Variants in KIF9 observed in about 807,000 individuals in gnomAD.
The protein encoded by KIF9 is kinesin-like protein KIF9.
KIF9 carries 68 observed loss-of-function variants against 94.8 expected under a neutral mutation model. That is an observed-to-expected ratio of 0.72 (90% CI 0.59 to 0.88). The LOEUF is 0.88. KIF9 is among the 40% of genes least tolerant of loss of function. The probability of loss-of-function intolerance (pLI) is 0.00; values close to 1 mark genes in which losing one functional copy is unlikely to be tolerated. For synonymous variants in KIF9, 343 were observed against 362.1 expected, an observed-to-expected ratio of 0.95 and a Z score of 0.60; for missense variants, 882 against 982.5, an observed-to-expected ratio of 0.90 and a Z score of 1.37.
intron 17 of KIF9, among the ~76,000 whole-genome samples, chr3:47,237,139 G>A (rs13100059): frequency 6.6e-6 from 1 of 152,212 alleles, no homozygotes; most frequent in East Asian, 1.9e-4. Context: ...TTGTTGCCCA[G>A]GCTAGAGTGC....
chr3:47,261,502 G>A (rs138610464), intron 9 of KIF9, among the ~76,000 whole-genome samples: 118 of 152,302 alleles, frequency 7.7e-4, no homozygotes, highest in African/African-American at 2.3e-3. Flanking sequence ...CAGGAGGCAG[G>A]CCCAGAGATT....
chr3:47,275,396 T>C lies in KIF9; in HGVS notation c.188A>G (p.Asp63Gly). The C allele has an allele frequency of 6.2e-7, 1 of 1,613,992 alleles. No homozygotes were observed. Among genetic ancestry groups the C allele is most frequent in the South Asian group, 1.1e-5 (1 of 91,064 alleles). ...CTCATAAACCAAGTCCTGGGAGGCATCGTGAAGAACTCCATCCAACTTAAA... is the reference window on the plus strand; with the variant it reads ...CTCATAAACCAAGTCCTGGGAGGCACCGTGAAGAACTCCATCCAACTTAAA... ...WSFKLDGVLH[D>G]ASQDLVYETV... Residue 63 changes from aspartate (D) to glycine (G), a missense_variant, in exon 3 of 21, where the codon GAT (aspartate) becomes GGT (glycine). Physicochemically the swap from Asp to Gly is moderately conservative, Grantham distance 94. Transcript: ENST00000684063.
intron 13 of KIF9, 156 bp from the exon 14 acceptor site, chr3:47,245,667 C>T: frequency 3.1e-6 from 2 of 636,524 alleles, no homozygotes; most frequent in South Asian, 1.8e-5. Context: ...GGACAAAGGA[C>T]TCACTTCCCC....
In KIF9 at chr3:47,241,750, CGT is replaced by C. The variant is rs1349832955; in HGVS notation, c.1710-737_1710-736del. 1.2e-3 allele frequency among the ~76,000 whole-genome samples: 170 copies of C among 136,654 alleles called. 2 individuals carry two copies. The highest frequency in any genetic ancestry group is 4.1e-3 in the Middle Eastern group (1 of 242). 89.7% of individuals were successfully genotyped at this position (136,654 alleles called of 152,430 possible). A position where few individuals can be genotyped will look rare whatever the true frequency, so the allele number is the denominator to read the frequency against. The stretch of plus-strand genomic sequence containing the variant: ...TTTTATATATGTGTGTGTATATATA[CGT>C]ATATATACATATATACGTATATATA... On this transcript the variant is annotated intron_variant, in intron 16 of 20. Transcript: ENST00000684063.
At chr3:47,278,847 C>A (rs980017140) in intron 1 of KIF9, among the ~76,000 whole-genome samples, 1 of 152,056 alleles carries the variant, frequency 6.6e-6, no homozygotes, top group Non-Finnish European at 1.5e-5. Flanking sequence ...TGGCAGACGC[C>A]TGTAATCCCA....
intron 1 of KIF9, 52 bp downstream of exon 1, chr3:47,282,443 G>A: frequency 1.0e-6 from 1 of 986,006 alleles, no homozygotes; most frequent in Non-Finnish European, 1.2e-6. Flanking sequence ...CAGTCCGGGC[G>A]CACACCCTTT....
chr3:47,246,583 T>G (rs1328729661), intron 12 of KIF9: 1 of 158,864 alleles, frequency 6.3e-6, no homozygotes, highest in African/African-American at 2.4e-5. Context: ...AATGTACTTC[T>G]CAGCTTTCTC....
chr3:47,236,216 T>A, intron 18 of KIF9, 67 bp from the exon 19 acceptor site: 1 of 1,245,532 alleles, frequency 8.0e-7, no homozygotes, highest in Non-Finnish European at 1.2e-6. Context: ...ATCTGTCTTA[T>A]ATCTGTTGCA....
At chr3:47,246,343 G>T in intron 12 of KIF9, 91 bp from the exon 13 acceptor site, 1 of 1,021,988 alleles carries the variant, frequency 9.8e-7, no homozygotes, top group Non-Finnish European at 1.4e-6. Flanking sequence ...AAGACCCCTT[G>T]GCTGACCCCT....
chr3:47,277,247 G>A, intron 2 of KIF9, 35 bp downstream of exon 2: 1 of 1,475,136 alleles, frequency 6.8e-7, no homozygotes, highest in Non-Finnish European at 9.5e-7. Context: ...GGACAGAGAG[G>A]CCCAGTCAGT....
chr3:47,234,836 G>A (rs766823225), intron 20 of KIF9, among the ~76,000 whole-genome samples: 70 of 149,768 alleles, frequency 4.7e-4, no homozygotes, highest in Non-Finnish European at 7.9e-4. Context: ...GATTACAGGC[G>A]TGAGCCACCG....
intron 1 of KIF9, among the ~76,000 whole-genome samples, chr3:47,280,206 C>T (rs978224544): frequency 6.6e-6 from 1 of 152,176 alleles, no homozygotes; most frequent in Admixed American, 6.5e-5. Context: ...AATCCACCCA[C>T]CTCAGCCTCA....
chr3:47,258,913 T>C (rs1182606800), intron 9 of KIF9, among the ~76,000 whole-genome samples: 2 of 152,222 alleles, frequency 1.3e-5, no homozygotes, highest in Admixed American at 6.5e-5. Flanking sequence ...TTGCATTATA[T>C]GTCAGTCAGG....
chr3:47,245,717 C>A, intron 13 of KIF9: 1 of 581,164 alleles, frequency 1.7e-6, no homozygotes, highest in South Asian at 2.1e-5. Context: ...CCCCCATACC[C>A]ACAAGGGCTA....
chr3:47,247,490 T>C lies in KIF9; in HGVS notation c.1129-13A>G, dbSNP rs1235684764. The C allele has an allele frequency of 1.3e-6, 2 of 1,591,500 alleles. No homozygotes were observed. The highest frequency in any genetic ancestry group is 1.7e-6 in the Non-Finnish European group (2 of 1,159,720). On this transcript the variant is annotated splice_polypyrimidine_tract_variant and intron_variant, in intron 11 of 20. Transcript: ENST00000684063. ...AGGTGCGGTTGGTCTTGAAGGAGGA[T>C]GAAGAACATGTGGATAAGCAACAAG...
At chr3:47,259,140 C>T (rs2107368967) in intron 9 of KIF9, among the ~76,000 whole-genome samples, 1 of 152,356 alleles carries the variant, frequency 6.6e-6, no homozygotes, top group East Asian at 1.9e-4. Flanking sequence ...GCAGGGGCCT[C>T]TAGCCACACA....
At chr3:47,266,191 T>C (rs1039878518) in intron 7 of KIF9, 2 of 274,202 alleles carry the variant, frequency 7.3e-6, no homozygotes, top group African/African-American at 4.3e-5. Context: ...AATACTTGTC[T>C]AGATATTTGA....
chr3:47,252,086 A>G (rs1419470184), intron 10 of KIF9, among the ~76,000 whole-genome samples: 1 of 152,234 alleles, frequency 6.6e-6, no homozygotes, highest in Admixed American at 6.5e-5. Flanking sequence ...ATCAATACCG[A>G]AGACAGTGCT....
chr3:47,271,989 G>A (rs371839648), intron 4 of KIF9, among the ~76,000 whole-genome samples: 2 of 152,044 alleles, frequency 1.3e-5, no homozygotes, highest in Non-Finnish European at 2.9e-5. Flanking sequence ...GCGTGGTGGC[G>A]TGCGCCTGTA....
Sources: gnomAD v4.1 joint callset for allele counts (sites outside exome capture counted in the v4.1 genomes callset) on GRCh38, gnomAD v4.1.1 for gene constraint, MANE v1.5 for transcripts, NCBI Gene and HGNC (gene_info 2026-07-23, HGNC 2026-07-21) for gene names.